The following PKIB variants were observed in gnomAD, a reference collection of about 807,000 sequenced individuals.
PKIB encodes the protein PKI-beta.
PKIB carries 2 observed loss-of-function variants against 4.5 expected under a neutral mutation model. That is an observed-to-expected ratio of 0.44 (90% CI 0.18 to 1.39). The LOEUF is 1.39. Among genes scored for constraint, PKIB ranks in the 40% most tolerant of loss-of-function variants. The pLI, the probability that PKIB is intolerant of heterozygous loss-of-function variation, is 0.27. For synonymous variants in PKIB, 38 were observed against 36.0 expected (o/e 1.06, Z -0.20); for missense variants, 94 against 92.6 (o/e 1.02, Z -0.06).
intron 3 of PKIB, among the ~76,000 whole-genome samples, chr6:122,711,972 T>G (rs1233355936): frequency 6.6e-6 from 1 of 152,140 alleles, no homozygotes; most frequent in Non-Finnish European, 1.5e-5. Flanking sequence ...AGGGTTCCCT[T>G]TGACTTACAC....
At chr6:122,515,482 A>G (rs1776719339) in intron 2 of PKIB, among the ~76,000 whole-genome samples, 1 of 152,218 alleles carries the variant, frequency 6.6e-6, no homozygotes, top group Non-Finnish European at 1.5e-5. Context: ...GGATTAAATA[A>G]TACTTGAGAA....
chr6:122,633,602 T>C (rs1287771321), intron 2 of PKIB, among the ~76,000 whole-genome samples: 2 of 152,158 alleles, frequency 1.3e-5, no homozygotes, highest in Non-Finnish European at 2.9e-5. Flanking sequence ...TTTCAACTCA[T>C]ATCTGCCAGG....
intron 3 of PKIB, among the ~76,000 whole-genome samples, chr6:122,599,067 C>T (rs745451755): frequency 1.6e-4 from 24 of 152,208 alleles, no homozygotes; most frequent in Non-Finnish European, 7.3e-5. Flanking sequence ...AGCTTAGTCT[C>T]GTTATATGTC....
At chr6:122,597,360 A>G (rs2114734332) in intron 3 of PKIB, among the ~76,000 whole-genome samples, 1 of 152,322 alleles carries the variant, frequency 6.6e-6, no homozygotes, top group Non-Finnish European at 1.5e-5. Flanking sequence ...AAGGCAAATC[A>G]CTTCTGTTGG....
At chr6:122,718,021 T>C in intron 4 of PKIB, 58 bp downstream of exon 4, 1 of 1,522,896 alleles carries the variant, frequency 6.6e-7, no homozygotes, top group Non-Finnish European at 8.9e-7. Flanking sequence ...ACCAAGCCTT[T>C]TCTCTGGACA....
intron 3 of PKIB, among the ~76,000 whole-genome samples, chr6:122,710,667 C>T (rs768808057): frequency 2.0e-4 from 31 of 152,184 alleles, no homozygotes; most frequent in Non-Finnish European, 4.1e-4. Flanking sequence ...CCACTGCTCA[C>T]GTGGTAAAGG....
intron 3 of PKIB, among the ~76,000 whole-genome samples, chr6:122,589,227 G>T (rs1288981161): frequency 2.6e-5 from 4 of 152,086 alleles, no homozygotes; most frequent in African/African-American, 4.8e-5. Context: ...GTAGGGGAAT[G>T]GTTAAATAAA....
intron 3 of PKIB, among the ~76,000 whole-genome samples, chr6:122,709,026 T>C (rs1018381654): frequency 1.3e-5 from 2 of 152,330 alleles, no homozygotes; most frequent in African/African-American, 2.4e-5. Flanking sequence ...ATATTCATAA[T>C]GATACTCTGT....
intron 2 of PKIB, among the ~76,000 whole-genome samples, chr6:122,653,283 C>T (rs1251731103): frequency 2.6e-5 from 4 of 152,140 alleles, no homozygotes; most frequent in African/African-American, 9.7e-5. Flanking sequence ...TTTGATTAGT[C>T]ATCATCAAGC....
chr6:122,513,596 C>T (rs991519434), intron 2 of PKIB, among the ~76,000 whole-genome samples: 1 of 152,066 alleles, frequency 6.6e-6, no homozygotes, highest in Non-Finnish European at 1.5e-5. Context: ...ACATAGTACC[C>T]AAAGGGTTGT....
chr6:122,620,576 T>G (rs1775186131), intron 1 of PKIB, among the ~76,000 whole-genome samples: 1 of 152,148 alleles, frequency 6.6e-6, no homozygotes, highest in Non-Finnish European at 1.5e-5. Context: ...CTGTGTAGAA[T>G]CAAGAAGTTC....
intron 2 of PKIB, among the ~76,000 whole-genome samples, chr6:122,487,960 A>G (rs772485084): frequency 8.5e-5 from 13 of 152,076 alleles, no homozygotes; most frequent in Admixed American, 7.9e-4. Flanking sequence ...GTTTAAAGTG[A>G]TATCTTCCAG....
At chr6:122,604,852 G>C (rs1774477324) in intron 3 of PKIB, among the ~76,000 whole-genome samples, 1 of 152,150 alleles carries the variant, frequency 6.6e-6, no homozygotes, top group Non-Finnish European at 1.5e-5. Context: ...AGTGGGGAGA[G>C]ACACATGACT....
rs117731176 is a variant in PKIB at position 122,656,573 on chromosome 6, C to T, written c.-75-18505C>T. Among the ~76,000 whole-genome samples the T allele has an allele frequency of 1.2e-3, 185 of 152,232 alleles. 3 individuals are homozygous for T. In the East Asian group the frequency reaches 0.02, roughly 17 times the overall value. Reference sequence around the variant, plus strand: ...ATGCCACATATCTGGCTGTCACTGCCCCTGACCCACAGTGAGGCAGGGCCA... The same window carrying T: ...ATGCCACATATCTGGCTGTCACTGCTCCTGACCCACAGTGAGGCAGGGCCA... On this transcript the variant is annotated intron_variant, in intron 2 of 4. Transcript: ENST00000368452.
intron 3 of PKIB, among the ~76,000 whole-genome samples, chr6:122,599,453 G>T (rs117467473): frequency 1.3e-5 from 2 of 152,084 alleles, no homozygotes; most frequent in African/African-American, 2.4e-5. Flanking sequence ...TCAGCCACTC[G>T]CACGATAAGA....
intron 2 of PKIB, among the ~76,000 whole-genome samples, chr6:122,555,614 T>A (rs1772813298): frequency 6.6e-6 from 1 of 152,198 alleles, no homozygotes; most frequent in African/African-American, 2.4e-5. Context: ...TTCTCTTTGA[T>A]GTGGAGGGGA....
chr6:122,521,368 T>C (rs546216020), intron 2 of PKIB, among the ~76,000 whole-genome samples: 4 of 152,236 alleles, frequency 2.6e-5, no homozygotes, highest in Middle Eastern at 3.4e-3. Flanking sequence ...TGGTTCACTG[T>C]TGTTGTGTAG....
At chr6:122,522,233 C>T (rs528162006) in intron 2 of PKIB, among the ~76,000 whole-genome samples, 83 of 152,090 alleles carry the variant, frequency 5.5e-4, no homozygotes, top group African/African-American at 1.6e-3. Context: ...TAATATCAAA[C>T]GGCAAATTTA....
At chr6:122,508,843 T>C (rs868501946) in intron 2 of PKIB, among the ~76,000 whole-genome samples, 1 of 151,960 alleles carries the variant, frequency 6.6e-6, no homozygotes, top group Non-Finnish European at 1.5e-5. Context: ...CTCCGCCTCC[T>C]GGGTTCACGC....
Sources: gnomAD v4.1 joint callset for allele counts (sites outside exome capture counted in the v4.1 genomes callset) on GRCh38, gnomAD v4.1.1 for gene constraint, MANE v1.5 for transcripts, NCBI Gene and HGNC (gene_info 2026-07-23, HGNC 2026-07-21) for gene names.